The following ULK4 variants were observed in gnomAD, a reference collection of about 807,000 sequenced individuals.
ULK4 encodes the protein inactive serine/threonine-protein kinase ULK4.
Under a neutral mutation model 160.6 loss-of-function variants are expected in ULK4, and 133 were observed. That is an observed-to-expected ratio of 0.83 (90% CI 0.72 to 0.96). ULK4 has a LOEUF of 0.96. ULK4 is among the 40% of genes least tolerant of loss of function. The pLI is 0.00. For synonymous variants in ULK4, 534 were observed against 539.8 expected (o/e 0.99, Z 0.15); for missense variants, 1,580 against 1,499.5 (o/e 1.05, Z -0.89).
At chr3:41,667,486 G>C (rs2035384305) in intron 29 of ULK4, among the ~76,000 whole-genome samples, 1 of 152,220 alleles carries the variant, frequency 6.6e-6, no homozygotes, top group Non-Finnish European at 1.5e-5. Flanking sequence ...TGAAAGAGCA[G>C]CTAGTAATTG....
At chr3:41,701,832 G>T (rs1328926845) in intron 27 of ULK4, among the ~76,000 whole-genome samples, 2 of 152,088 alleles carry the variant, frequency 1.3e-5, no homozygotes, top group African/African-American at 4.8e-5. Context: ...TAAAAGAAAA[G>T]AAAGTTTCTT....
At chr3:41,522,195 C>T (rs1419700193) in intron 32 of ULK4, among the ~76,000 whole-genome samples, 2 of 148,244 alleles carry the variant, frequency 1.3e-5, no homozygotes, top group Non-Finnish European at 3.0e-5. Context: ...GGCACAGTCT[C>T]AGCTCACTGC....
chr3:41,941,950 T>C (rs894484535), intron 2 of ULK4, among the ~76,000 whole-genome samples: 23 of 151,800 alleles, frequency 1.5e-4, no homozygotes, highest in African/African-American at 5.3e-4. Flanking sequence ...GCCCCAGCAA[T>C]TCCTTCCAGC....
chr3:41,439,457 C>T (rs560367534), intron 34 of ULK4, among the ~76,000 whole-genome samples: 1 of 151,822 alleles, frequency 6.6e-6, no homozygotes. Context: ...GTGAATTCAC[C>T]CAGAAAGAAA....
In ULK4 at chr3:41,506,767, A is replaced by AAAAAAAAAAAAAAAAATATATATATAT; in HGVS notation, c.3227-43515_3227-43514insATATATATATATTTTTTTTTTTTTTTT. Among the ~76,000 whole-genome samples, 5 of 56,792 alleles carry AAAAAAAAAAAAAAAAATATATATATAT rather than the reference A, an allele frequency of 8.8e-5. 1 individual carries two copies. Among genetic ancestry groups the AAAAAAAAAAAAAAAAATATATATATAT allele is most frequent in the African/African-American group, 3.3e-4 (4 of 12,248 alleles). The allele number at this position is 56,792 out of a possible 152,430, so 37.3% of individuals were successfully genotyped here. A position where few individuals can be genotyped will look rare whatever the true frequency, so the allele number is the denominator to read the frequency against. ...AGCAATACACTGGAGTGTGATTTAA[A>AAAAAAAAAAAAAAAAATATATATATAT]ATATATATATATATATATATATATA... On this transcript the variant is annotated intron_variant, in intron 32 of 36. Coordinates refer to ENST00000301831, the MANE Select transcript of ULK4 (RefSeq NM_017886.4).
At chr3:41,961,542 A>C (rs922383668) in intron 1 of ULK4, among the ~76,000 whole-genome samples, 1 of 76,046 alleles carries the variant, frequency 1.3e-5, no homozygotes, top group Non-Finnish European at 2.6e-5. Context: ...GGCGCTACGT[A>C]GTCACTCACC....
At chr3:41,323,724 A>C (rs2080289896) in intron 35 of ULK4, among the ~76,000 whole-genome samples, 1 of 152,092 alleles carries the variant, frequency 6.6e-6, no homozygotes, top group Non-Finnish European at 1.5e-5. Flanking sequence ...TTACAGATGG[A>C]GTAAAAAGCA....
intron 21 of ULK4, among the ~76,000 whole-genome samples, chr3:41,760,232 T>C (rs1293933491): frequency 6.6e-6 from 1 of 152,116 alleles, no homozygotes; most frequent in Non-Finnish European, 1.5e-5. Flanking sequence ...TACTGAGATA[T>C]AACTATGAGC....
chr3:41,331,881 A>G (rs1392862427), intron 35 of ULK4, among the ~76,000 whole-genome samples: 11 of 152,242 alleles, frequency 7.2e-5, no homozygotes, highest in Non-Finnish European at 1.6e-4. Flanking sequence ...ATGTTTGTTA[A>G]TATGGATTAA....
intron 32 of ULK4, among the ~76,000 whole-genome samples, chr3:41,534,283 C>T (rs77405528): frequency 0.018 from 2,727 of 152,180 alleles, 86 homozygotes; most frequent in African/African-American, 0.063. Context: ...GCTTCTTTGG[C>T]GGTGCCACAG....
chr3:41,267,193 G>A (rs1338997320), intron 35 of ULK4, among the ~76,000 whole-genome samples: 1 of 152,028 alleles, frequency 6.6e-6, no homozygotes, highest in Non-Finnish European at 1.5e-5. Flanking sequence ...GCCCTGGTGT[G>A]TGATGTTCCC....
At chr3:41,953,911 C>T (rs1455277407) in intron 2 of ULK4, among the ~76,000 whole-genome samples, 4 of 151,958 alleles carry the variant, frequency 2.6e-5, no homozygotes, top group East Asian at 1.9e-4. Flanking sequence ...TGGCCGGGCG[C>T]GGTGGCTCAC....
chr3:41,841,010 G>A (rs1236318180), intron 17 of ULK4, among the ~76,000 whole-genome samples: 13 of 142,306 alleles, frequency 9.1e-5, no homozygotes, highest in Middle Eastern at 4.2e-3. Flanking sequence ...TGTGAGGAGC[G>A]CCTCTGCCCG....
chr3:41,530,602 C>A (rs2086273914), intron 32 of ULK4, among the ~76,000 whole-genome samples: 1 of 152,134 alleles, frequency 6.6e-6, no homozygotes, highest in Non-Finnish European at 1.5e-5. Flanking sequence ...CAGCCTACAG[C>A]TGAGTTCTCT....
In ULK4 at chr3:41,896,921, C is replaced by T; in HGVS notation, c.1431G>A (p.Lys477=). ...GCTTGGCTCGGGAGGCCCCCATGCT[C>T]TTCTCAGTGGAGTCGATCTGCGAGC... ...QVCSQIDSTE[K]SMGASRAKLN... The change falls in exon 15 of 37, where the codon AAG becomes AAA. Residue 477 remains lysine (K), a synonymous_variant. Coordinates refer to ENST00000301831, the MANE Select transcript of ULK4 (RefSeq NM_017886.4). The T allele has an allele frequency of 6.2e-7, 1 of 1,613,562 alleles. No homozygotes were observed. Among genetic ancestry groups the T allele is most frequent in the Admixed American group, 1.7e-5 (1 of 60,012 alleles).
At chr3:41,320,002 AAT>A (rs1232975251) in intron 35 of ULK4, among the ~76,000 whole-genome samples, 2 of 152,248 alleles carry the variant, frequency 1.3e-5, no homozygotes, top group Admixed American at 6.5e-5. Context: ...TAGTGATATA[AAT>A]ATGTTATATT....
chr3:41,729,253 T>TAA (rs1287633812), intron 22 of ULK4, among the ~76,000 whole-genome samples: 1 of 152,014 alleles, frequency 6.6e-6, no homozygotes, highest in African/African-American at 2.4e-5. Context: ...AAGAAAAAGG[T>TAA]AAAGCAAGGA....
At chr3:41,452,182 C>T (rs1337147509) in intron 34 of ULK4, among the ~76,000 whole-genome samples, 1 of 152,146 alleles carries the variant, frequency 6.6e-6, no homozygotes, top group African/African-American at 2.4e-5. Flanking sequence ...TCCTGGTTAT[C>T]TGCTCTTCAT....
At chr3:41,584,359 T>C (rs1287413572) in intron 31 of ULK4, among the ~76,000 whole-genome samples, 1 of 152,116 alleles carries the variant, frequency 6.6e-6, no homozygotes, top group Non-Finnish European at 1.5e-5. Flanking sequence ...TGGTGTGCGC[T>C]CAGCTCTCTG....
Sources: gnomAD v4.1 joint callset for allele counts (sites outside exome capture counted in the v4.1 genomes callset) on GRCh38, gnomAD v4.1.1 for gene constraint, MANE v1.5 for transcripts, NCBI Gene and HGNC (gene_info 2026-07-23, HGNC 2026-07-21) for gene names.